Variants in ACVR1C observed in about 807,000 individuals in gnomAD.
The protein encoded by ACVR1C is activin A receptor type 1C.
ACVR1C carries 23 observed loss-of-function variants against 57.9 expected under a neutral mutation model. The observed-to-expected ratio is 0.40, with a 90% CI of 0.29 to 0.56. ACVR1C has a LOEUF of 0.56. Among genes scored for constraint, ACVR1C ranks in the 20% least tolerant of loss-of-function variants. ACVR1C has a pLI of 0.50. For synonymous variants in ACVR1C, 214 were observed against 215.3 expected, an observed-to-expected ratio of 0.99 and a Z score of 0.05; for missense variants, 480 against 607.9, an observed-to-expected ratio of 0.79 and a Z score of 2.21.
chr2:157,582,892 T>C (rs982427187), intron 2 of ACVR1C, among the ~76,000 whole-genome samples: 11 of 152,242 alleles, frequency 7.2e-5, no homozygotes, highest in Admixed American at 1.3e-4. Flanking sequence ...TTCTTTCTTT[T>C]TTTCTGAAAT....
chr2:157,622,865 G>A (rs1447332147), intron 1 of ACVR1C, among the ~76,000 whole-genome samples: 1 of 151,980 alleles, frequency 6.6e-6, no homozygotes, highest in Admixed American at 6.6e-5. Flanking sequence ...CCTCTCACAA[G>A]GGATTAATAT....
intron 1 of ACVR1C, among the ~76,000 whole-genome samples, chr2:157,627,935 A>T (rs2105164554): frequency 6.6e-6 from 1 of 152,362 alleles, no homozygotes; most frequent in Non-Finnish European, 1.5e-5. Context: ...CAGACCTGTT[A>T]TAAACTCTGG....
chr2:157,615,040 C>G (rs1172603699), intron 1 of ACVR1C, among the ~76,000 whole-genome samples: 1 of 152,090 alleles, frequency 6.6e-6, no homozygotes, highest in African/African-American at 2.4e-5. Context: ...CCATATTGTT[C>G]ATTGTTTTCC....
At chr2:157,549,127 G>T (rs1687844854) in intron 4 of ACVR1C, among the ~76,000 whole-genome samples, 1 of 152,138 alleles carries the variant, frequency 6.6e-6, no homozygotes, top group East Asian at 1.9e-4. Context: ...AGGCCGAGGG[G>T]GGTGGATAAC....
intron 8 of ACVR1C, among the ~76,000 whole-genome samples, chr2:157,534,789 C>T (rs1687440465): frequency 6.6e-6 from 1 of 152,134 alleles, no homozygotes; most frequent in Admixed American, 6.5e-5. Context: ...CTGCTACTCT[C>T]ATGGTCTAGA....
At chr2:157,554,271 GGAAGGA>G (rs1388451292) in intron 3 of ACVR1C, among the ~76,000 whole-genome samples, 37 of 121,120 alleles carry the variant, frequency 3.1e-4, no homozygotes, top group African/African-American at 1.4e-3. Context: ...AAGAAAGAAA[GGAAGGA>G]AGGAAGAGAG....
At chr2:157,535,446 T>C (rs1687458757) in intron 8 of ACVR1C, among the ~76,000 whole-genome samples, 1 of 152,150 alleles carries the variant, frequency 6.6e-6, no homozygotes, top group Non-Finnish European at 1.5e-5. Flanking sequence ...AATATATTTT[T>C]AAAAGGAAAG....
chr2:157,625,964 T>G (rs972012368), intron 1 of ACVR1C, among the ~76,000 whole-genome samples: 1 of 151,526 alleles, frequency 6.6e-6, no homozygotes, highest in Non-Finnish European at 1.5e-5. Context: ...GGAGCCTGAG[T>G]TTTTCGTTGC....
chr2:157,540,992 G>A (rs1452963512), intron 7 of ACVR1C, 98 bp downstream of exon 7: 5 of 1,378,906 alleles, frequency 3.6e-6, no homozygotes, highest in Non-Finnish European at 4.9e-6. Flanking sequence ...CTAAGAAACT[G>A]ATTGAATATA....
intron 3 of ACVR1C, 149 bp downstream of exon 3, chr2:157,555,944 G>A (rs774453691): frequency 5.5e-5 from 50 of 906,666 alleles, no homozygotes; most frequent in Middle Eastern, 3.4e-4. Flanking sequence ...TCTTCCTCAG[G>A]TACTAAAAGG....
intron 1 of ACVR1C, among the ~76,000 whole-genome samples, chr2:157,615,652 A>G (rs949569766): frequency 2.0e-5 from 3 of 152,200 alleles, no homozygotes; most frequent in African/African-American, 7.2e-5. Context: ...CTGGGATTAC[A>G]TAAGTTCTTA....
At chr2:157,609,709 C>T (rs1191245773) in intron 1 of ACVR1C, among the ~76,000 whole-genome samples, 1 of 151,934 alleles carries the variant, frequency 6.6e-6, no homozygotes, top group Non-Finnish European at 1.5e-5. Context: ...TATATAATAA[C>T]ATTCTTTGTC....
At chr2:157,555,989 A>C in intron 3 of ACVR1C, 104 bp downstream of exon 3, 1 of 1,331,924 alleles carries the variant, frequency 7.5e-7, no homozygotes, top group Non-Finnish European at 1.0e-6. Context: ...GTATCCTTTC[A>C]AGACGGAATT....
Position 157,550,259 on chromosome 2 carries a change from G to C in ACVR1C, c.678C>G (p.Ser226=), listed in dbSNP as rs779024563. 1.8e-5 allele frequency: 29 copies of C among 1,613,934 alleles called. No homozygotes were observed. The highest frequency in any genetic ancestry group is 2.5e-5 in the Non-Finnish European group (29 of 1,180,022). Residue 226 remains serine (S), a synonymous_variant, in exon 4 of 9, where the codon TCC becomes TCG. Transcript: ENST00000243349. The part of the protein sequence containing the change: ...GEDVAVKIFS[S]RDERSWFREA... ...CACGAAACCAAGATCTTTCATCTCTGGAGGAGAATATTTTCACAGCCACAT... is the reference window on the plus strand; with the variant it reads ...CACGAAACCAAGATCTTTCATCTCTCGAGGAGAATATTTTCACAGCCACAT...
chr2:157,587,197 G>A lies in ACVR1C; in HGVS notation c.294C>T (p.His98=), dbSNP rs534723862. 12 of 1,610,764 alleles carry A rather than the reference G, an allele frequency of 7.4e-6. No homozygotes were observed. Among genetic ancestry groups the A allele is most frequent in the East Asian group, 2.2e-5 (1 of 44,854 alleles). ...FTDFCNNITL[H]LPTASPNAPK... is the part of the protein sequence containing the mutation. The stretch of plus-strand genomic sequence containing the variant: ...AGATAAACCCCTTACCTGTTGGAAG[G>A]TGCAGTGTTATGTTGTTGCAAAAAT... Residue 98 remains histidine (H), a synonymous_variant, in exon 2 of 9, where the codon CAC becomes CAT. Coordinates refer to ENST00000243349, the MANE Select transcript of ACVR1C (RefSeq NM_145259.3).
At chr2:157,608,807 G>A (rs965724671) in intron 1 of ACVR1C, among the ~76,000 whole-genome samples, 6 of 151,738 alleles carry the variant, frequency 4.0e-5, no homozygotes, top group African/African-American at 1.4e-4. Flanking sequence ...TATTTTTGTG[G>A]TATCAATTAT....
chr2:157,624,106 C>A (rs1682846781), intron 1 of ACVR1C, among the ~76,000 whole-genome samples: 1 of 152,108 alleles, frequency 6.6e-6, no homozygotes, highest in Admixed American at 6.5e-5. Context: ...ACTTATAGGA[C>A]ACTACAGATC....
At chr2:157,594,642 GA>G (rs1682042460) in intron 1 of ACVR1C, among the ~76,000 whole-genome samples, 1 of 152,118 alleles carries the variant, frequency 6.6e-6, no homozygotes, top group Non-Finnish European at 1.5e-5. Context: ...ATAGAGGCCT[GA>G]AAATGTTCAT....
Position 157,587,118 on chromosome 2 carries a change from A to C in ACVR1C, c.304+69T>G. 3 of 1,336,616 alleles carry C rather than the reference A, an allele frequency of 2.2e-6. No individual in the cohort carries two copies. In the East Asian group the frequency reaches 6.9e-5, roughly 31 times the overall value. 82.8% of individuals were successfully genotyped at this position (1,336,616 alleles called of 1,614,324 possible). A position where few individuals can be genotyped will look rare whatever the true frequency, so the allele number is the denominator to read the frequency against. ...ATTTAAAGAAACATAAGACAGTTTG[A>C]TTCCTACCATTCTTATAGTTTCCCA... On this transcript the variant is annotated intron_variant, in intron 2 of 8. Coordinates refer to ENST00000243349, the MANE Select transcript of ACVR1C (RefSeq NM_145259.3).
Sources: gnomAD v4.1 joint callset for allele counts (sites outside exome capture counted in the v4.1 genomes callset) on GRCh38, gnomAD v4.1.1 for gene constraint, MANE v1.5 for transcripts, NCBI Gene and HGNC (gene_info 2026-07-23, HGNC 2026-07-21) for gene names.